HDAC4: variants seen among roughly 807,000 people sequenced by gnomAD.
HDAC4 encodes histone deacetylase 4.
A neutral mutation model predicts 135.1 loss-of-function variants in HDAC4; 16 were observed. The observed-to-expected ratio is 0.12, with a 90% CI of 0.08 to 0.18. The LOEUF (loss-of-function observed/expected upper bound fraction) is 0.18. Among genes scored for constraint, HDAC4 ranks in the 10% least tolerant of loss-of-function variants. The pLI is 1.00. For synonymous variants in HDAC4, 685 were observed against 653.4 expected (o/e 1.05, Z -0.74); for missense variants, 1,143 against 1,511.8 (o/e 0.76, Z 4.05).
At chr2:239,269,124 TAC>T (rs1490631536) in intron 2 of HDAC4, among the ~76,000 whole-genome samples, 1 of 152,148 alleles carries the variant, frequency 6.6e-6, no homozygotes, top group East Asian at 1.9e-4. Flanking sequence ...CATTCAGACG[TAC>T]ATACATTCAT....
At chr2:239,105,401 CAT>C (rs953280016) in intron 15 of HDAC4, among the ~76,000 whole-genome samples, 11 of 152,236 alleles carry the variant, frequency 7.2e-5, no homozygotes, top group African/African-American at 2.4e-4. Flanking sequence ...CGCACACACA[CAT>C]GGCTATACTC....
At chr2:239,076,919 C>T (rs567327439) in intron 22 of HDAC4, among the ~76,000 whole-genome samples, 73 of 152,314 alleles carry the variant, frequency 4.8e-4, no homozygotes, top group African/African-American at 1.6e-3. Context: ...GCCAGCACCT[C>T]GAGACCTCAC....
chr2:239,188,389 G>A (rs1255072386), intron 4 of HDAC4, among the ~76,000 whole-genome samples: 2 of 152,230 alleles, frequency 1.3e-5, no homozygotes, highest in South Asian at 2.1e-4. Flanking sequence ...GTGGTCAAGA[G>A]AATTATCAGC....
chr2:239,072,965 A>C (rs73092809), intron 22 of HDAC4, among the ~76,000 whole-genome samples: 2,456 of 152,282 alleles, frequency 0.016, 53 homozygotes, highest in African/African-American at 0.056. Context: ...AGGCAACGGG[A>C]GGGCCCATCT....
In HDAC4 at chr2:239,278,022, AACACACTCCAGCCACACGCTCCAGCT is replaced by A. The variant is rs1171726501; in HGVS notation, c.23-41384_23-41359del. 6.9e-4 allele frequency among the ~76,000 whole-genome samples: 42 copies of A among 61,136 alleles called. No homozygotes were observed. In the East Asian group the frequency reaches 0.032, roughly 47 times the overall value. 40.1% of individuals were successfully genotyped at this position (61,136 alleles called of 152,430 possible). ...ACACACCCCAGCCACACACCCTAGC[AACACACTCCAGCCACACGCTCCAGCT>A]ACACACTCCAGCCGCACACTCGGCT... On this transcript the variant is annotated intron_variant, in intron 2 of 26. Transcript: ENST00000543185.
At chr2:239,383,163 C>T (rs946020812) in intron 1 of HDAC4, among the ~76,000 whole-genome samples, 19 of 152,204 alleles carry the variant, frequency 1.2e-4, no homozygotes, top group Admixed American at 6.5e-5. Flanking sequence ...CACCCAAAGG[C>T]TCCCCTTGTC....
rs139189077 is a variant in HDAC4 at position 239,116,427 on chromosome 2, T to C, written c.1534-1117A>G. 8.1e-3 allele frequency among the ~76,000 whole-genome samples: 1,233 copies of C among 152,334 alleles called. 14 individuals carry two copies. The highest frequency in any genetic ancestry group is 0.028 in the African/African-American group (1,180 of 41,582). ...CAGTCACACCCCAAGCTCCCAATTC[T>C]GTCCGCCAAGCACTGCCCATGCATT... On this transcript the variant is annotated intron_variant, in intron 12 of 26. Coordinates refer to ENST00000543185, the MANE Select transcript of HDAC4 (RefSeq NM_001378414.1).
intron 2 of HDAC4, among the ~76,000 whole-genome samples, chr2:239,348,642 G>A (rs1255187440): frequency 6.6e-6 from 1 of 152,240 alleles, no homozygotes; most frequent in Non-Finnish European, 1.5e-5. Context: ...TGGCTTCAAG[G>A]CAGAGGCTCT....
Position 239,400,368 on chromosome 2 carries a change from G to C in HDAC4, c.-220+610C>G, listed in dbSNP as rs1164398300. The C allele has an allele frequency of 6.8e-6, 1 of 147,794 alleles. No individual in the cohort carries two copies. The highest frequency in any genetic ancestry group is 1.5e-5 in the Non-Finnish European group (1 of 66,418). The allele number at this position is 147,794 out of a possible 1,614,324, so 9.2% of individuals were successfully genotyped here. A position where few individuals can be genotyped will look rare whatever the true frequency, so the allele number is the denominator to read the frequency against. On this transcript the variant is annotated intron_variant, in intron 1 of 26. Transcript: ENST00000543185. This position sits in a 1 kb window ranked among gnomAD's most constrained non-coding sequence, Gnocchi z 4.7. ...CCCCCGCCCTCACTCCCGGCGGCCC[G>C]GAGCCCACCTGCTCGGGGGGCGCGG...
intron 24 of HDAC4, among the ~76,000 whole-genome samples, chr2:239,062,957 G>A (rs2032973268): frequency 6.6e-6 from 1 of 152,194 alleles, no homozygotes; most frequent in Non-Finnish European, 1.5e-5. Flanking sequence ...GGCCCAGGCT[G>A]CAGGTCCCAA....
intron 3 of HDAC4, among the ~76,000 whole-genome samples, chr2:239,194,983 G>A (rs886961904): frequency 2.6e-5 from 4 of 152,204 alleles, no homozygotes; most frequent in Non-Finnish European, 4.4e-5. Context: ...GGAAGAGTGC[G>A]GGTCCCCTGA....
intron 2 of HDAC4, among the ~76,000 whole-genome samples, chr2:239,341,502 T>C (rs961021003): frequency 9.9e-5 from 15 of 152,278 alleles, no homozygotes; most frequent in Admixed American, 9.8e-4. Flanking sequence ...TTCCCCTCAA[T>C]ACGGCCTTAC....
At chr2:239,159,942 G>A (rs2042686649) in intron 6 of HDAC4, among the ~76,000 whole-genome samples, 1 of 152,268 alleles carries the variant, frequency 6.6e-6, no homozygotes, top group Non-Finnish European at 1.5e-5. Flanking sequence ...GGAGGAAGAT[G>A]GAAAAGCAAA....
intron 4 of HDAC4, among the ~76,000 whole-genome samples, chr2:239,181,197 G>T (rs1012300402): frequency 3.3e-5 from 5 of 152,248 alleles, no homozygotes; most frequent in Non-Finnish European, 7.3e-5. Flanking sequence ...CCTCACAAGG[G>T]GGGTGGGACT....
chr2:239,076,355 C>T (rs1482714096), intron 22 of HDAC4, among the ~76,000 whole-genome samples: 3 of 152,228 alleles, frequency 2.0e-5, no homozygotes, highest in South Asian at 2.1e-4. Flanking sequence ...TCACGGGGCA[C>T]GTCTAGCTCT....
intron 3 of HDAC4, among the ~76,000 whole-genome samples, chr2:239,219,202 A>G (rs1383370454): frequency 6.6e-6 from 1 of 151,248 alleles, no homozygotes; most frequent in Non-Finnish European, 1.5e-5. Context: ...CACAATAGCA[A>G]AGACTTGGAA....
chr2:239,089,812 C>A lies in HDAC4; in HGVS notation c.2388+197G>T, dbSNP rs2036332162. The A allele has an allele frequency of 2.6e-5, 16 of 614,324 alleles. No individual in the cohort carries two copies. In the South Asian group the frequency reaches 2.9e-4, roughly 11 times the overall value. 38.1% of individuals were successfully genotyped at this position (614,324 alleles called of 1,614,324 possible). A position where few individuals can be genotyped will look rare whatever the true frequency, so the allele number is the denominator to read the frequency against. On this transcript the variant is annotated intron_variant, in intron 18 of 26. Coordinates refer to ENST00000543185, the MANE Select transcript of HDAC4 (RefSeq NM_001378414.1). ...AATCATTGAGAATCTCTGTACTATG[C>A]ACATACCCTATCACAAATGTGGGCA...
At chr2:239,183,676 G>T (rs1414536482) in intron 4 of HDAC4, among the ~76,000 whole-genome samples, 1 of 152,170 alleles carries the variant, frequency 6.6e-6, no homozygotes, top group Non-Finnish European at 1.5e-5. Context: ...CACCACAGAG[G>T]GACTCTGCTC....
At chr2:239,136,762 G>C (rs1297146327) in intron 9 of HDAC4, among the ~76,000 whole-genome samples, 1 of 152,184 alleles carries the variant, frequency 6.6e-6, no homozygotes, top group African/African-American at 2.4e-5. Flanking sequence ...ACATATGACT[G>C]GCCATTGGGG....
Sources: gnomAD v4.1 joint callset for allele counts (sites outside exome capture counted in the v4.1 genomes callset) on GRCh38, gnomAD v4.1.1 for gene constraint, Gnocchi (gnomAD v3.1) non-coding constraint, MANE v1.5 for transcripts, NCBI Gene and HGNC (gene_info 2026-07-23, HGNC 2026-07-21) for gene names.